The following GTF2A2 variants were observed in gnomAD, a reference collection of about 807,000 sequenced individuals.
GTF2A2 encodes the protein general transcription factor IIA subunit 2.
Under a neutral mutation model 14.3 loss-of-function variants are expected in GTF2A2, and 9 were observed. The ratio of observed to expected loss-of-function variants is 0.63; its 90% confidence interval spans 0.38 to 1.10. The LOEUF (loss-of-function observed/expected upper bound fraction) is 1.10. Ranked by LOEUF, GTF2A2 falls within the 50% of genes least tolerant of loss-of-function variation. The pLI is 0.01. For synonymous variants in GTF2A2, 56 were observed against 46.0 expected (o/e 1.22, Z -0.88); for missense variants, 90 against 124.6 (o/e 0.72, Z 1.32).
chr15:59,639,464 A>ATTTTT (rs10643204), intron 4 of GTF2A2, among the ~76,000 whole-genome samples: 4 of 142,580 alleles, frequency 2.8e-5, no homozygotes, highest in Non-Finnish European at 6.0e-5. Flanking sequence ...ACTGTCCCAA[A>ATTTTT]TTTTTTTTTT....
intron 1 of GTF2A2, among the ~76,000 whole-genome samples, chr15:59,655,363 C>T (rs1333095502): frequency 6.6e-6 from 1 of 152,168 alleles, no homozygotes; most frequent in Non-Finnish European, 1.5e-5. Flanking sequence ...TAATTTTTGC[C>T]TCTAGCACTC....
intron 3 of GTF2A2, among the ~76,000 whole-genome samples, chr15:59,646,092 T>A (rs1279663933): frequency 6.6e-6 from 1 of 151,972 alleles, no homozygotes; most frequent in Non-Finnish European, 1.5e-5. Context: ...AGTCTTGCTG[T>A]GTTGCCCAGG....
At chr15:59,640,232 T>G (rs954586867) in intron 4 of GTF2A2, 1 of 152,038 alleles carries the variant, frequency 6.6e-6, no homozygotes, top group Non-Finnish European at 1.5e-5. Flanking sequence ...CTACTTCTCA[T>G]CCACTGAAGT....
rs374075324 is a variant in GTF2A2 at position 59,641,181 on chromosome 15, CTT to C, written c.304+953_304+954del. Among the ~76,000 whole-genome samples the C allele has an allele frequency of 6.9e-4, 98 of 141,378 alleles. 1 individual carries two copies. The highest frequency in any genetic ancestry group is 2.1e-3 in the East Asian group (10 of 4,726). 92.7% of individuals were successfully genotyped at this position (141,378 alleles called of 152,430 possible). On this transcript the variant is annotated intron_variant, in intron 4 of 4. Transcript: ENST00000396060. ...CCAGCCTGGGCAATACAGCAAGACT[CTT>C]TTTTTTTTTTTTTTTTTAAGGCTTA...
chr15:59,653,840 C>T (rs1054585727), intron 1 of GTF2A2, among the ~76,000 whole-genome samples: 7 of 152,170 alleles, frequency 4.6e-5, no homozygotes, highest in Non-Finnish European at 7.3e-5. Flanking sequence ...GTCTTACCCA[C>T]CTCGGTAACA....
intron 1 of GTF2A2, among the ~76,000 whole-genome samples, chr15:59,655,286 G>A (rs1478137628): frequency 1.3e-5 from 2 of 152,148 alleles, no homozygotes; most frequent in African/African-American, 4.8e-5. Flanking sequence ...CCCCTTTGCA[G>A]CAAAATCCCT....
intron 2 of GTF2A2, 130 bp from the exon 3 acceptor site, chr15:59,650,903 C>G (rs1380044461): frequency 3.4e-6 from 2 of 588,810 alleles, no homozygotes; most frequent in African/African-American, 3.7e-5. Context: ...ATTCCTTTAT[C>G]TCCTTTGCCA....
chr15:59,644,994 T>C (rs533554474), intron 3 of GTF2A2, among the ~76,000 whole-genome samples: 5 of 152,216 alleles, frequency 3.3e-5, no homozygotes, highest in African/African-American at 1.2e-4. Context: ...GCTGGGTGAA[T>C]CAGAGAGGTG....
intron 3 of GTF2A2, among the ~76,000 whole-genome samples, chr15:59,644,630 C>T (rs1047629821): frequency 1.2e-4 from 18 of 152,274 alleles, no homozygotes; most frequent in African/African-American, 4.3e-4. Context: ...AATGAGAGTA[C>T]AGCAAAGGCA....
chr15:59,639,664 T>C (rs1165307520), intron 4 of GTF2A2, among the ~76,000 whole-genome samples: 1 of 152,036 alleles, frequency 6.6e-6, no homozygotes, highest in Non-Finnish European at 1.5e-5. Context: ...TTCACCATGT[T>C]AGCCAGGATG....
intron 1 of GTF2A2, among the ~76,000 whole-genome samples, chr15:59,656,428 C>CTTT (rs57474581): frequency 3.5e-4 from 52 of 148,850 alleles, no homozygotes; most frequent in Middle Eastern, 3.5e-3. Flanking sequence ...TTATATTTCT[C>CTTT]TTTTTTTTTT....
At chr15:59,643,680 C>T (rs532453283) in intron 3 of GTF2A2, among the ~76,000 whole-genome samples, 186 of 150,390 alleles carry the variant, frequency 1.2e-3, no homozygotes, top group Non-Finnish European at 2.0e-3. Flanking sequence ...TCACTGCAAC[C>T]TCCACTTCCT....
chr15:59,651,940 T>TC, intron 2 of GTF2A2: 1 of 295,356 alleles, frequency 3.4e-6, no homozygotes, highest in South Asian at 5.7e-5. Context: ...CACCTTGTCC[T>TC]CCTAAAGTGC....
At chr15:59,651,024 C>T (rs1157095166) in intron 2 of GTF2A2, among the ~76,000 whole-genome samples, 1 of 152,066 alleles carries the variant, frequency 6.6e-6, no homozygotes, top group Non-Finnish European at 1.5e-5. Context: ...AAAACTTTGT[C>T]AATTTTCCCT....
chr15:59,641,660 A>G (rs1034007775), intron 4 of GTF2A2, among the ~76,000 whole-genome samples: 1 of 152,218 alleles, frequency 6.6e-6, no homozygotes, highest in Non-Finnish European at 1.5e-5. Context: ...TCTGGTGTGA[A>G]AAGTTCACTT....
chr15:59,643,264 G>C (rs1286794996), intron 3 of GTF2A2, among the ~76,000 whole-genome samples: 2 of 151,440 alleles, frequency 1.3e-5, no homozygotes, highest in African/African-American at 2.4e-5. Flanking sequence ...ATTTTTAGTA[G>C]AGACAGGGTT....
chr15:59,644,542 C>T (rs1006333192), intron 3 of GTF2A2, among the ~76,000 whole-genome samples: 3 of 152,184 alleles, frequency 2.0e-5, no homozygotes, highest in African/African-American at 7.2e-5. Context: ...CACTGGTGAG[C>T]TGAGTTTAGC....
chr15:59,649,315 G>A (rs77437710), intron 3 of GTF2A2, among the ~76,000 whole-genome samples: 323 of 152,260 alleles, frequency 2.1e-3, no homozygotes, highest in African/African-American at 7.2e-3. Flanking sequence ...ATAGCTTTTC[G>A]AAAATAGACA....
At chr15:59,648,183 C>T (rs532196852) in intron 3 of GTF2A2, among the ~76,000 whole-genome samples, 11 of 151,852 alleles carry the variant, frequency 7.2e-5, no homozygotes, top group Admixed American at 5.9e-4. Flanking sequence ...CCGAGGCGGG[C>T]GGATCATGAG....
Sources: allele counts gnomAD v4.1 joint callset (sites outside exome capture counted in the v4.1 genomes callset), GRCh38; gene constraint gnomAD v4.1.1; transcripts MANE v1.5; gene names NCBI Gene and HGNC (gene_info 2026-07-23, HGNC 2026-07-21).